ATXN10: variants seen among roughly 807,000 people sequenced by gnomAD.
ATXN10 encodes the protein ataxin 10, also known as ataxin-10.
In ATXN10, 28 loss-of-function variants were observed where a neutral mutation model predicts 52.9. The observed-to-expected ratio is 0.53, with a 90% confidence interval of 0.39 to 0.73. ATXN10 has a LOEUF of 0.73. ATXN10 is among the 30% of genes least tolerant of loss of function. The pLI, the probability that ATXN10 is intolerant of heterozygous loss-of-function variation, is 0.00. For synonymous variants in ATXN10, 226 were observed against 221.5 expected (o/e 1.02, Z -0.18); for missense variants, 565 against 577.0 (o/e 0.98, Z 0.21).
rs776933528 is a variant in ATXN10, at chr22:45,738,887, TTGTCATAC to T, written c.1003+52_1003+59del. ...TATTTTTAGCTAAGAAATCTTTGGC[TTGTCATAC>T]TGTAATATAAATCCAAATACAAATC... On this transcript the variant is annotated intron_variant, in intron 8 of 11. Transcript: ENST00000252934. The T allele has an allele frequency of 7.4e-5, 107 of 1,449,310 alleles. No individual in the cohort carries two copies. In the Middle Eastern group the frequency reaches 2.1e-3, roughly 28 times the overall value. 89.8% of individuals were successfully genotyped at this position (1,449,310 alleles called of 1,614,324 possible). A position where few individuals can be genotyped will look rare whatever the true frequency, so the allele number is the denominator to read the frequency against.
chr22:45,810,634 C>T (rs551651624), intron 10 of ATXN10, among the ~76,000 whole-genome samples: 28 of 152,232 alleles, frequency 1.8e-4, no homozygotes, highest in African/African-American at 5.3e-4. Context: ...TATATCTGTC[C>T]GCTTATTTAG....
chr22:45,747,138 A>G (rs189526735), intron 9 of ATXN10, among the ~76,000 whole-genome samples: 10 of 152,220 alleles, frequency 6.6e-5, no homozygotes, highest in Admixed American at 2.0e-4. Context: ...TTTCCCAGAT[A>G]CATGTTTTTC....
intron 9 of ATXN10, among the ~76,000 whole-genome samples, chr22:45,802,249 C>G (rs950996590): frequency 1.3e-5 from 2 of 152,200 alleles, no homozygotes; most frequent in Non-Finnish European, 2.9e-5. Flanking sequence ...TCAGTGTGAA[C>G]TGTAACTTGT....
At position 45,705,983 on chromosome 22, in the gene ATXN10, A is replaced by G. The variant is rs1466081463; in HGVS notation, c.647+3136A>G. On this transcript the variant is annotated intron_variant, in intron 5 of 11. Transcript: ENST00000252934. The surrounding 1 kb of genome is among the most constrained non-coding windows in gnomAD (Gnocchi z 5.2). ...AGCCACATTCGATTCTCTTAGGAGC[A>G]CAAACCCTGTTGTGAACTGCGCATG... Among the ~76,000 whole-genome samples, 4 of 152,196 alleles carry G rather than the reference A, an allele frequency of 2.6e-5. No individual in the cohort carries two copies. The highest frequency in any genetic ancestry group is 2.6e-4 in the Admixed American group (4 of 15,290).
At chr22:45,796,170 G>A (rs1159601374) in intron 9 of ATXN10, among the ~76,000 whole-genome samples, 1 of 152,214 alleles carries the variant, frequency 6.6e-6, no homozygotes, top group African/African-American at 2.4e-5. Context: ...CTCAGGGAGT[G>A]TCTGTCTTAT....
At chr22:45,746,224 ATTTTTAGTGGGT>A (rs1223351508) in intron 9 of ATXN10, among the ~76,000 whole-genome samples, 2 of 151,150 alleles carry the variant, frequency 1.3e-5, no homozygotes, top group Admixed American at 1.3e-4. Context: ...AACATGATCA[ATTTTTAGTGGGT>A]TTTTTGGTGG....
Position 45,818,037 on chromosome 22 carries a change from G to C in ATXN10, c.1237+11015G>C, listed in dbSNP as rs1457370893. ...GGAATGCATAAGCTTTCAGAAAAGA[G>C]ACTTCCTTTCCTCGCTCAGGTATCT... is the stretch of plus-strand genomic sequence containing the variant. On this transcript the variant is annotated intron_variant, in intron 10 of 11. Coordinates refer to ENST00000252934, the MANE Select transcript of ATXN10 (RefSeq NM_013236.4). The surrounding 1 kb of genome is among the most constrained non-coding windows in gnomAD (Gnocchi z 4.6). 1.3e-5 allele frequency among the ~76,000 whole-genome samples: 2 copies of C among 152,256 alleles called. No individual in the cohort carries two copies. Among genetic ancestry groups the C allele is most frequent in the African/African-American group, 4.8e-5 (2 of 41,468 alleles).
chr22:45,699,078 A>G (rs1477392008), intron 3 of ATXN10, among the ~76,000 whole-genome samples: 1 of 152,180 alleles, frequency 6.6e-6, no homozygotes, highest in African/African-American at 2.4e-5. Flanking sequence ...TATTATGCCC[A>G]TCAAATTTTA....
chr22:45,814,054 T>C (rs948262525), intron 10 of ATXN10, among the ~76,000 whole-genome samples: 5 of 152,212 alleles, frequency 3.3e-5, no homozygotes, highest in African/African-American at 7.2e-5. Context: ...CATTCAGAAA[T>C]GTCAATTCTA....
intron 10 of ATXN10, among the ~76,000 whole-genome samples, chr22:45,808,244 T>A (rs1211860618): frequency 1.3e-5 from 2 of 152,190 alleles, no homozygotes; most frequent in African/African-American, 2.4e-5. Flanking sequence ...AGAAAGCTTC[T>A]AGTCATGGGA....
intron 9 of ATXN10, among the ~76,000 whole-genome samples, chr22:45,804,627 G>A (rs984322084): frequency 6.6e-6 from 1 of 152,130 alleles, no homozygotes; most frequent in Non-Finnish European, 1.5e-5. Context: ...TATCTCACTA[G>A]GGATGTAAAG....
chr22:45,722,831 A>G (rs1402705728), intron 6 of ATXN10, among the ~76,000 whole-genome samples: 1 of 152,048 alleles, frequency 6.6e-6, no homozygotes, highest in East Asian at 1.9e-4. Context: ...CAGGATCTGC[A>G]CTATTGTTCG....
chr22:45,780,953 C>CA lies in ATXN10; in HGVS notation c.1174-26004dup, dbSNP rs1927128678. 6.6e-6 allele frequency among the ~76,000 whole-genome samples: 1 copy of CA among 152,142 alleles called. No individual in the cohort carries two copies. Among genetic ancestry groups the CA allele is most frequent in the Admixed American group, 6.5e-5 (1 of 15,276 alleles). On this transcript the variant is annotated intron_variant, in intron 9 of 11. Coordinates refer to ENST00000252934, the MANE Select transcript of ATXN10 (RefSeq NM_013236.4). The surrounding 1 kb of genome is among the most constrained non-coding windows in gnomAD (Gnocchi z 4.0). Reference sequence around the variant, plus strand: ...TTGAGACTCAGAAACGATAAGGTGGCAAGTTCCCTGGGTTTTCTCAGACTG... The same window carrying CA: ...TTGAGACTCAGAAACGATAAGGTGGCAAAGTTCCCTGGGTTTTCTCAGACTG...
Position 45,781,329 on chromosome 22 carries a change from C to A in ATXN10, c.1174-25630C>A, listed in dbSNP as rs920974195. On this transcript the variant is annotated intron_variant, in intron 9 of 11. Transcript: ENST00000252934. The surrounding 1 kb of genome is among the most constrained non-coding windows in gnomAD (Gnocchi z 4.2). The stretch of plus-strand genomic sequence containing the variant: ...AACCCCTGCCCAGCTGTACTGTCAG[C>A]AGAGACCGAGTAGGGAGCATGAACA... Among the ~76,000 whole-genome samples, 3 of 152,122 alleles carry A rather than the reference C, an allele frequency of 2.0e-5. No homozygotes were observed. Among genetic ancestry groups the A allele is most frequent in the Non-Finnish European group, 2.9e-5 (2 of 68,022 alleles).
In ATXN10 at chr22:45,799,171, A is replaced by G. The variant is rs575666854; in HGVS notation, c.1174-7788A>G. ...CTGCAACCCCCGCCTCCCGGGTTCAAGAGATTCTCCTGCCTCAGCCTCCCG... is the reference window on the plus strand; with the variant it reads ...CTGCAACCCCCGCCTCCCGGGTTCAGGAGATTCTCCTGCCTCAGCCTCCCG... On this transcript the variant is annotated intron_variant, in intron 9 of 11. Transcript: ENST00000252934. Among the ~76,000 whole-genome samples, 34 of 152,190 alleles carry G rather than the reference A, an allele frequency of 2.2e-4. No individual in the cohort carries two copies. The South Asian group carries it at 4.2e-3, about 19-fold the overall frequency.
chr22:45,785,813 AG>A (rs1428142912), intron 9 of ATXN10, among the ~76,000 whole-genome samples: 2 of 152,294 alleles, frequency 1.3e-5, no homozygotes, highest in East Asian at 3.9e-4. Context: ...GTCCTGCAGG[AG>A]GGGTATACTT....
chr22:45,757,958 GA>G lies in ATXN10; in HGVS notation c.1173+17427del, dbSNP rs965732826. ...ACTTCTTTTGAAATTTGTAAAAGAA[GA>G]AAAAAAGTTGAGCTTTTGTGATGAC... On this transcript the variant is annotated intron_variant, in intron 9 of 11. Transcript: ENST00000252934. The surrounding 1 kb of genome is among the most constrained non-coding windows in gnomAD (Gnocchi z 4.6). Among the ~76,000 whole-genome samples, 4 of 152,110 alleles carry G rather than the reference GA, an allele frequency of 2.6e-5. No homozygotes were observed. Among genetic ancestry groups the G allele is most frequent in the Non-Finnish European group, 5.9e-5 (4 of 68,002 alleles).
intron 9 of ATXN10, among the ~76,000 whole-genome samples, chr22:45,753,723 A>G (rs1249835290): frequency 6.6e-6 from 1 of 152,014 alleles, no homozygotes; most frequent in East Asian, 1.9e-4. Context: ...TTATATTAAT[A>G]TAATTTCTTG....
chr22:45,832,866 G>A (rs2146911646), intron 10 of ATXN10, among the ~76,000 whole-genome samples: 2 of 152,340 alleles, frequency 1.3e-5, no homozygotes, highest in Middle Eastern at 6.8e-3. Flanking sequence ...AAATTTTTTA[G>A]AGAGATACGC....
Sources: allele counts gnomAD v4.1 joint callset (sites outside exome capture counted in the v4.1 genomes callset), GRCh38; gene constraint gnomAD v4.1.1; non-coding constraint Gnocchi (gnomAD v3.1); transcripts MANE v1.5; gene names NCBI Gene and HGNC (gene_info 2026-07-23, HGNC 2026-07-21).